Variants in KCNB2 observed in about 807,000 individuals in gnomAD.
KCNB2 encodes delayed rectifier potassium channel protein.
Under a neutral mutation model 61.5 loss-of-function variants are expected in KCNB2, and 15 were observed. The observed-to-expected ratio is 0.24, with a 90% CI of 0.16 to 0.38. The LOEUF is 0.38. Among genes scored for constraint, KCNB2 ranks in the 10% least tolerant of loss-of-function variants. The probability of loss-of-function intolerance (pLI) is 1.00; values close to 1 mark genes in which losing one functional copy is unlikely to be tolerated. For missense variants in KCNB2, 828 were observed against 1,125.2 expected (o/e 0.74, Z 3.78); for synonymous variants, 457 against 446.0 (o/e 1.02, Z -0.31).
intron 2 of KCNB2, among the ~76,000 whole-genome samples, chr8:72,777,814 T>G (rs1039903502): frequency 6.6e-6 from 1 of 152,198 alleles, no homozygotes; most frequent in Admixed American, 6.5e-5. Flanking sequence ...TATATCACTC[T>G]TCAAAAAAGT....
intron 2 of KCNB2, among the ~76,000 whole-genome samples, chr8:72,832,851 T>G (rs1402473875): frequency 6.6e-6 from 1 of 152,144 alleles, no homozygotes; most frequent in African/African-American, 2.4e-5. Flanking sequence ...ATGCTGGGTT[T>G]AGAGATCCCA....
intron 2 of KCNB2, among the ~76,000 whole-genome samples, chr8:72,746,212 T>C (rs1349497394): frequency 6.6e-6 from 1 of 152,154 alleles, no homozygotes; most frequent in Admixed American, 6.6e-5. Context: ...TTCTGTGTGC[T>C]TCTTTCCTAG....
intron 1 of KCNB2, among the ~76,000 whole-genome samples, chr8:72,562,366 G>A (rs1010709773): frequency 4.6e-5 from 7 of 152,116 alleles, no homozygotes; most frequent in Non-Finnish European, 1.0e-4. Context: ...CCCTGAGCGG[G>A]TGGCAGCATA....
At chr8:72,887,277 G>A (rs1431877478) in intron 2 of KCNB2, among the ~76,000 whole-genome samples, 2 of 152,116 alleles carry the variant, frequency 1.3e-5, no homozygotes, top group Admixed American at 1.3e-4. Context: ...TCTGAAAGTT[G>A]GTCATGAGGG....
chr8:72,884,249 CT>C (rs530001643), intron 2 of KCNB2, among the ~76,000 whole-genome samples: 9 of 151,338 alleles, frequency 5.9e-5, no homozygotes, highest in South Asian at 2.1e-4. Flanking sequence ...TTATTTTCCC[CT>C]TTTTTTTTCT....
chr8:72,588,163 T>C (rs1042550565), intron 2 of KCNB2, among the ~76,000 whole-genome samples: 1 of 152,056 alleles, frequency 6.6e-6, no homozygotes, highest in Non-Finnish European at 1.5e-5. Context: ...TTTTGATTTT[T>C]ATTTTCTAAG....
intron 2 of KCNB2, among the ~76,000 whole-genome samples, chr8:72,845,429 G>A (rs1250934017): frequency 2.0e-5 from 3 of 152,242 alleles, no homozygotes; most frequent in Non-Finnish European, 4.4e-5. Flanking sequence ...GGACCCATGT[G>A]AGGAGACAGT....
At chr8:72,649,168 C>A (rs1438952838) in intron 2 of KCNB2, among the ~76,000 whole-genome samples, 1 of 151,972 alleles carries the variant, frequency 6.6e-6, no homozygotes, top group African/African-American at 2.4e-5. Flanking sequence ...ATAAATTGTG[C>A]TTTTTTGACA....
At chr8:72,599,464 A>G (rs181575049) in intron 2 of KCNB2, among the ~76,000 whole-genome samples, 2,902 of 152,294 alleles carry the variant, frequency 0.019, 94 homozygotes, top group African/African-American at 0.063. Context: ...TGGATAAAAG[A>G]CTTAAATGTT....
intron 2 of KCNB2, among the ~76,000 whole-genome samples, chr8:72,845,458 C>T (rs1242889569): frequency 6.6e-6 from 1 of 152,204 alleles, no homozygotes; most frequent in Non-Finnish European, 1.5e-5. Context: ...TAGCAGAGCT[C>T]GAGCACTGTG....
chr8:72,561,714 T>C (rs1234226965), intron 1 of KCNB2, among the ~76,000 whole-genome samples: 2,226 of 26,440 alleles, frequency 0.084, 257 homozygotes, highest in African/African-American at 0.38. Context: ...TATATATATA[T>C]ATATATATAT....
intron 2 of KCNB2, among the ~76,000 whole-genome samples, chr8:72,587,110 A>G (rs1807012659): frequency 6.6e-6 from 1 of 152,202 alleles, no homozygotes; most frequent in South Asian, 2.1e-4. Context: ...GAATTTACTC[A>G]GTATGTATAG....
intron 2 of KCNB2, among the ~76,000 whole-genome samples, chr8:72,618,532 G>A (rs916722378): frequency 6.6e-6 from 1 of 151,984 alleles, no homozygotes; most frequent in African/African-American, 2.4e-5. Flanking sequence ...ATTTTAATAC[G>A]AACATTGTAT....
intron 2 of KCNB2, among the ~76,000 whole-genome samples, chr8:72,573,824 G>A (rs1414239977): frequency 6.6e-6 from 1 of 152,208 alleles, no homozygotes; most frequent in Non-Finnish European, 1.5e-5. Context: ...GTACTACGCA[G>A]TACTCTCATT....
chr8:72,607,338 T>C (rs1805466302), intron 2 of KCNB2, among the ~76,000 whole-genome samples: 3 of 152,050 alleles, frequency 2.0e-5, no homozygotes, highest in African/African-American at 7.2e-5. Flanking sequence ...GGACCATCCT[T>C]CTCAAGAATG....
intron 2 of KCNB2, among the ~76,000 whole-genome samples, chr8:72,868,068 ATTATTTATTTTTTTTTTT>A (rs1805559522): frequency 7.5e-6 from 1 of 133,442 alleles, no homozygotes; most frequent in Admixed American, 7.3e-5. Context: ...TTTTTTTTTT[ATTATTTATTTTTTTTTTT>A]TTAGAGACAG....
At chr8:72,551,433 C>T (rs527557287) in intron 1 of KCNB2, among the ~76,000 whole-genome samples, 18 of 152,204 alleles carry the variant, frequency 1.2e-4, no homozygotes, top group South Asian at 2.1e-4. Context: ...TCGCCAGCAT[C>T]GTCTCAGGCC....
At chr8:72,596,719 A>G (rs1807196941) in intron 2 of KCNB2, among the ~76,000 whole-genome samples, 1 of 152,214 alleles carries the variant, frequency 6.6e-6, no homozygotes, top group Non-Finnish European at 1.5e-5. Context: ...GATTCAAGAT[A>G]TAGCCATATT....
intron 2 of KCNB2, among the ~76,000 whole-genome samples, chr8:72,572,574 C>A (rs1034351408): frequency 4.0e-5 from 6 of 150,424 alleles, no homozygotes; most frequent in Admixed American, 2.6e-4. Context: ...CTCTCTGCGT[C>A]TCTCTCTCTC....
Sources: allele counts gnomAD v4.1 joint callset (sites outside exome capture counted in the v4.1 genomes callset), GRCh38; gene constraint gnomAD v4.1.1; transcripts MANE v1.5; gene names NCBI Gene and HGNC (gene_info 2026-07-23, HGNC 2026-07-21).